The following HAO2 variants were observed in gnomAD, a reference collection of about 807,000 sequenced individuals.
HAO2 encodes 2-Hydroxyacid oxidase 2.
HAO2 carries 42 observed loss-of-function variants against 37.4 expected under a neutral mutation model. The observed-to-expected ratio is 1.12, with a 90% CI of 0.88 to 1.45. The LOEUF is 1.45. Ranked by LOEUF, HAO2 falls within the 40% of genes most tolerant of loss-of-function variation. The probability of loss-of-function intolerance (pLI) is 0.00; values close to 1 mark genes in which losing one functional copy is unlikely to be tolerated. For synonymous variants in HAO2, 180 were observed against 162.8 expected (o/e 1.11, Z -0.81); for missense variants, 476 against 430.2 (o/e 1.11, Z -0.94).
chr1:119,393,220 C>T (rs1250157586), intron 7 of HAO2, among the ~76,000 whole-genome samples: 1 of 152,076 alleles, frequency 6.6e-6, no homozygotes, highest in Non-Finnish European at 1.5e-5. Flanking sequence ...CTCCCCAGCC[C>T]CATAACATCA....
intron 5 of HAO2, among the ~76,000 whole-genome samples, chr1:119,388,571 A>C (rs997113048): frequency 2.0e-5 from 3 of 152,194 alleles, no homozygotes; most frequent in African/African-American, 4.8e-5. Context: ...ACTTGGAGAC[A>C]GCACAAATAT....
chr1:119,383,122 A>G (rs2101223748), intron 3 of HAO2, 56 bp downstream of exon 3: 4 of 1,312,988 alleles, frequency 3.0e-6, no homozygotes, highest in Middle Eastern at 1.9e-4. Flanking sequence ...CCCTCAGAGC[A>G]GTGGCAGAGG....
chr1:119,380,933 T>C lies in HAO2; in HGVS notation c.-8-145T>C, dbSNP rs994992039. On this transcript the variant is annotated intron_variant, in intron 1 of 7. Coordinates refer to ENST00000325945, the MANE Select transcript of HAO2 (RefSeq NM_016527.4). ...ACTTCTGGCTTAGGGATCACTGGCT[T>C]TAGCAATAACTCTGTTAAGATAAGA... The C allele has an allele frequency of 1.5e-5, 12 of 775,038 alleles. No individual in the cohort carries two copies. In the African/African-American group the frequency reaches 2.1e-4, roughly 13 times the overall value. The allele number at this position is 775,038 out of a possible 1,614,324, so 48.0% of individuals were successfully genotyped here. A position where few individuals can be genotyped will look rare whatever the true frequency, so the allele number is the denominator to read the frequency against.
In HAO2 at chr1:119,380,773, G is replaced by A. The variant is rs746502359; in HGVS notation, c.-8-305G>A. 5.8e-6 allele frequency: 7 copies of A among 1,211,334 alleles called. No homozygotes were observed. In the Admixed American group the frequency reaches 1.2e-4, roughly 21 times the overall value. The allele number at this position is 1,211,334 out of a possible 1,614,324, so 75.0% of individuals were successfully genotyped here. On this transcript the variant is annotated intron_variant, in intron 1 of 7. Coordinates refer to ENST00000325945, the MANE Select transcript of HAO2 (RefSeq NM_016527.4). ...TTGTAATAAGCTTTTAAGAAGTGGT[G>A]GGGCCTCAACTAGGTCTAAGGTGGT... is the stretch of plus-strand genomic sequence containing the variant.
At position 119,393,905 on chromosome 1, in the gene HAO2, G is replaced by T. The variant is rs587623692; in HGVS notation, c.*65G>T. 8 of 1,610,206 alleles carry T rather than the reference G, an allele frequency of 5.0e-6. No homozygotes were observed. The Admixed American group carries it at 6.7e-5, about 13-fold the overall frequency. On this transcript the variant is annotated 3_prime_UTR_variant, in exon 8 of 8. Transcript: ENST00000325945. ...AGGAGGATCACAAACTCACAGCACA[G>T]TGTGTGATGCTGTCCTTCCTGGACC...
intron 3 of HAO2, among the ~76,000 whole-genome samples, chr1:119,384,040 C>T (rs1474185620): frequency 1.3e-5 from 2 of 152,068 alleles, no homozygotes; most frequent in East Asian, 1.9e-4. Context: ...AAATTCTCTG[C>T]CCATGAGTTA....
intron 3 of HAO2, 100 bp from the exon 4 acceptor site, chr1:119,384,676 C>G: frequency 4.4e-6 from 4 of 911,526 alleles, no homozygotes; most frequent in Non-Finnish European, 6.7e-6. Context: ...TATCTGCATT[C>G]ATGGGGCAAG....
Position 119,389,260 on chromosome 1 carries a change from G to A in HAO2, c.771+2429G>A, listed in dbSNP as rs977229297. Reference sequence around the variant, plus strand: ...GTTAATTCTGCTGCTATAAACATGCGTGCAAGTATCATTTTCATATAATGA... The same window carrying A: ...GTTAATTCTGCTGCTATAAACATGCATGCAAGTATCATTTTCATATAATGA... On this transcript the variant is annotated intron_variant, in intron 5 of 7. Transcript: ENST00000325945. 9.0e-5 allele frequency among the ~76,000 whole-genome samples: 13 copies of A among 144,622 alleles called. No homozygotes were observed. In the East Asian group the frequency reaches 1.0e-3, roughly 11 times the overall value. The allele number at this position is 144,622 out of a possible 152,430, so 94.9% of individuals were successfully genotyped here. A position where few individuals can be genotyped will look rare whatever the true frequency, so the allele number is the denominator to read the frequency against.
At chr1:119,385,256 C>A in intron 4 of HAO2, 1 of 985,142 alleles carries the variant, frequency 1.0e-6, no homozygotes, top group Non-Finnish European at 1.2e-6. Flanking sequence ...AACATAAGAC[C>A]AAATGTTCTC....
intron 4 of HAO2, 146 bp downstream of exon 4, chr1:119,385,199 A>G: frequency 7.0e-7 from 1 of 1,426,816 alleles, no homozygotes; most frequent in Admixed American, 2.8e-5. Context: ...CAGTTTCAAA[A>G]AGCAGATATG....
At position 119,385,757 on chromosome 1, in the gene HAO2, G is replaced by A. The variant is rs1464148780; in HGVS notation, c.561+704G>A. 14 of 985,098 alleles carry A rather than the reference G, an allele frequency of 1.4e-5. No individual in the cohort carries two copies. The East Asian group carries it at 1.6e-3, about 112-fold the overall frequency. 61.0% of individuals were successfully genotyped at this position (985,098 alleles called of 1,614,324 possible). A position where few individuals can be genotyped will look rare whatever the true frequency, so the allele number is the denominator to read the frequency against. On this transcript the variant is annotated intron_variant, in intron 4 of 7. Transcript: ENST00000325945. ...TAAAGCCAGCCTTTTCAACCAGTGGGCAACTGTGACACCAAGCCAAGTAAC... is the reference window on the plus strand; with the variant it reads ...TAAAGCCAGCCTTTTCAACCAGTGGACAACTGTGACACCAAGCCAAGTAAC...
chr1:119,391,486 A>C (rs935249449), intron 5 of HAO2, among the ~76,000 whole-genome samples: 3 of 152,238 alleles, frequency 2.0e-5, no homozygotes, highest in African/African-American at 7.2e-5. Context: ...CCAAGATGAT[A>C]AGATGTTTTT....
chr1:119,374,913 T>A (rs1353438008), intron 1 of HAO2, among the ~76,000 whole-genome samples: 1 of 152,224 alleles, frequency 6.6e-6, no homozygotes, highest in African/African-American at 2.4e-5. Context: ...AACTTCAGAT[T>A]GTTAGCAACA....
chr1:119,381,146 A>T lies in HAO2; in HGVS notation c.61A>T (p.Thr21Ser). 6.2e-7 allele frequency: 1 copy of T among 1,610,460 alleles called. No homozygotes were observed. The highest frequency in any genetic ancestry group is 8.5e-7 in the Non-Finnish European group (1 of 1,176,648). ...TGCGCGAGAGCAGCTGTCTAAGTCA[A>T]CTCGGGATTTTATTGAAGGTGGAGC... The part of the protein sequence containing the change: ...AHAREQLSKS[T>S]RDFIEGGADD... Residue 21 changes from threonine (T) to serine (S), a missense_variant, in exon 2 of 8, where the codon ACT becomes TCT. Coordinates refer to ENST00000325945, the MANE Select transcript of HAO2 (RefSeq NM_016527.4).
chr1:119,372,647 C>CT (rs897258305), intron 1 of HAO2, among the ~76,000 whole-genome samples: 11 of 152,284 alleles, frequency 7.2e-5, no homozygotes, highest in African/African-American at 2.6e-4. Context: ...GGCCGTACCT[C>CT]TTGTAAAAGG....
At chr1:119,385,588 C>G (rs980650942) in intron 4 of HAO2, 3 of 983,686 alleles carry the variant, frequency 3.0e-6, no homozygotes, top group Non-Finnish European at 3.6e-6. Flanking sequence ...CACCAGGATG[C>G]TATAGCACAT....
intron 5 of HAO2, among the ~76,000 whole-genome samples, chr1:119,390,132 G>T (rs587638624): frequency 6.6e-6 from 1 of 152,212 alleles, no homozygotes; most frequent in African/African-American, 2.4e-5. Flanking sequence ...TCTCTATTCT[G>T]TTCCATTGGT....
chr1:119,381,167 G>C lies in HAO2; in HGVS notation c.82G>C (p.Gly28Arg), dbSNP rs748975028. The change falls in exon 2 of 8, where the codon GGA becomes CGA. Residue 28 changes from glycine (G) to arginine (R), a missense_variant. Physicochemically the swap from Gly to Arg is moderately radical, Grantham distance 125 (BLOSUM62 -2). Coordinates refer to ENST00000325945, the MANE Select transcript of HAO2 (RefSeq NM_016527.4). Reference protein sequence around the residue: ...SKSTRDFIEGGADDSITRDDN... With the variant: ...SKSTRDFIEGRADDSITRDDN... ...GTCAACTCGGGATTTTATTGAAGGT[G>C]GAGCAGATGACAGCATCACGCGGGA... 1 of 1,610,202 alleles carries C rather than the reference G, an allele frequency of 6.2e-7. No homozygotes were observed. The highest frequency in any genetic ancestry group is 1.7e-5 in the Admixed American group (1 of 60,008).
chr1:119,387,265 C>T (rs946235946), intron 5 of HAO2, among the ~76,000 whole-genome samples: 11 of 152,072 alleles, frequency 7.2e-5, no homozygotes, highest in African/African-American at 2.4e-4. Context: ...TATAAAAGTC[C>T]ATAATTTTTT....
Sources: allele counts gnomAD v4.1 joint callset (sites outside exome capture counted in the v4.1 genomes callset), GRCh38; gene constraint gnomAD v4.1.1; transcripts MANE v1.5; gene names NCBI Gene and HGNC (gene_info 2026-07-23, HGNC 2026-07-21).